RP1: variants seen among roughly 807,000 people sequenced by gnomAD.
RP1 encodes RP1 axonemal microtubule associated.
In RP1, 16 loss-of-function variants were observed where a neutral mutation model predicts 14.8. The observed-to-expected ratio is 1.08, with a 90% CI of 0.73 to 1.65. RP1 has a LOEUF of 1.65. RP1 is among the 40% of genes most tolerant of loss of function. The pLI, the probability that RP1 is intolerant of heterozygous loss-of-function variation, is 0.00. For missense variants in RP1, 2,631 were observed against 2,535.0 expected, an observed-to-expected ratio of 1.04 and a Z score of -0.81; for synonymous variants, 876 against 883.6, an observed-to-expected ratio of 0.99 and a Z score of 0.15.
chr8:54,853,841 A>G (rs1184650562), intron 26 of RP1, among the ~76,000 whole-genome samples: 2 of 150,922 alleles, frequency 1.3e-5, no homozygotes, highest in African/African-American at 2.4e-5. Flanking sequence ...AGAGAGAGAA[A>G]GAAAGAGAAA....
rs1459373197 is a variant in RP1, at chr8:54,580,338, C to T, written c.-13+21018C>T. 6.5e-5 allele frequency among the ~76,000 whole-genome samples: 8 copies of T among 122,362 alleles called. No homozygotes were observed. In the East Asian group the frequency reaches 1.4e-3, roughly 21 times the overall value. The allele number at this position is 122,362 out of a possible 152,430, so 80.3% of individuals were successfully genotyped here. On this transcript the variant is annotated intron_variant, in intron 1 of 22. Coordinates refer to the RP1 transcript ENST00000636932. The stretch of plus-strand genomic sequence containing the variant: ...TTTTTTTTTTTTTGAGACAGAGTCT[C>T]ACTCTGTCGCCAGGCTGGAGTGCAG...
chr8:54,660,105 C>T (rs1806853519), intron 6 of RP1, among the ~76,000 whole-genome samples: 1 of 151,918 alleles, frequency 6.6e-6, no homozygotes, highest in Non-Finnish European at 1.5e-5. Context: ...TTAGAGTTTT[C>T]TACATATATA....
Position 54,663,930 on chromosome 8 carries a change from C to T in RP1, c.1323+80C>T, listed in dbSNP as rs139138440. The T allele has an allele frequency of 1.5e-3, 1,970 of 1,291,576 alleles. 30 individuals are homozygous for T. In the African/African-American group the frequency reaches 0.027, roughly 18 times the overall value. The allele number at this position is 1,291,576 out of a possible 1,614,324, so 80.0% of individuals were successfully genotyped here. A position where few individuals can be genotyped will look rare whatever the true frequency, so the allele number is the denominator to read the frequency against. On this transcript the variant is annotated intron_variant, in intron 7 of 22. Coordinates refer to the RP1 transcript ENST00000636932. ...AATAAGATTTACTGTTGTAACTATTCTAAGAGTTTTTAATTTCACAGTTTA... is the reference window on the plus strand; with the variant it reads ...AATAAGATTTACTGTTGTAACTATTTTAAGAGTTTTTAATTTCACAGTTTA...
At chr8:54,717,717 A>G (rs1808438869) in intron 15 of RP1, among the ~76,000 whole-genome samples, 1 of 152,154 alleles carries the variant, frequency 6.6e-6, no homozygotes, top group South Asian at 2.1e-4. Flanking sequence ...CACCACTCCA[A>G]TATTATATAG....
Position 54,626,661 on chromosome 8 carries a change from C to T in RP1, c.2779C>T (p.Pro927Ser), listed in dbSNP as rs1225721620. 5 of 1,613,820 alleles carry T rather than the reference C, an allele frequency of 3.1e-6. No homozygotes were observed. The highest frequency in any genetic ancestry group is 4.2e-6 in the Non-Finnish European group (5 of 1,179,860). Residue 927 changes from proline (P) to serine (S), a missense_variant, in exon 4 of 4, where the codon CCA becomes TCA. Physicochemically the swap from Pro to Ser is moderately conservative, Grantham distance 74 (BLOSUM62 -1). Transcript: ENST00000220676. Reference protein sequence around the residue: ...QSWLQNINPYPTLKPIKSAPV... With the variant: ...QSWLQNINPYSTLKPIKSAPV... ...TTGGTTGCAGAACATAAATCCATAT[C>T]CAACTTTAAAGCCTATAAAATCAGC...
At chr8:54,757,562 G>C (rs879139590) in intron 21 of RP1, among the ~76,000 whole-genome samples, 3 of 152,224 alleles carry the variant, frequency 2.0e-5, no homozygotes, top group African/African-American at 7.2e-5. Flanking sequence ...TACTGCTGTG[G>C]CTACCTCTTC....
intron 24 of RP1, among the ~76,000 whole-genome samples, chr8:54,834,048 CAG>C (rs1173120169): frequency 6.6e-6 from 1 of 151,996 alleles, no homozygotes; most frequent in Non-Finnish European, 1.5e-5. Flanking sequence ...AAAAGAAAGA[CAG>C]AGCTCAGATC....
At chr8:54,729,280 G>C (rs1437325326) in intron 17 of RP1, among the ~76,000 whole-genome samples, 2 of 152,160 alleles carry the variant, frequency 1.3e-5, no homozygotes, top group African/African-American at 4.8e-5. Flanking sequence ...ACAGTGCAGT[G>C]CAGCCATCCT....
At chr8:54,587,680 AT>A (rs1380436619) in intron 1 of RP1, among the ~76,000 whole-genome samples, 28 of 152,342 alleles carry the variant, frequency 1.8e-4, no homozygotes, top group Admixed American at 1.2e-3. Flanking sequence ...TACAAATAAA[AT>A]TCCTGAAGTC....
chr8:54,585,981 C>T (rs887167305), intron 1 of RP1, among the ~76,000 whole-genome samples: 2 of 152,216 alleles, frequency 1.3e-5, no homozygotes, highest in Admixed American at 6.5e-5. Context: ...TCGTCTGAAG[C>T]CTTCTTCTCT....
At chr8:54,820,849 C>A (rs1211291923) in intron 24 of RP1, among the ~76,000 whole-genome samples, 3 of 152,098 alleles carry the variant, frequency 2.0e-5, no homozygotes, top group Non-Finnish European at 4.4e-5. Context: ...TCTCCACCTC[C>A]TTCCCAGAAC....
At chr8:54,583,642 C>G (rs1356440320) in intron 1 of RP1, among the ~76,000 whole-genome samples, 1 of 151,964 alleles carries the variant, frequency 6.6e-6, no homozygotes, top group African/African-American at 2.4e-5. Flanking sequence ...TACTTTTTTT[C>G]ATTGATAAGC....
intron 22 of RP1, among the ~76,000 whole-genome samples, chr8:54,761,931 A>G (rs1015464708): frequency 2.0e-5 from 3 of 152,168 alleles, no homozygotes; most frequent in Non-Finnish European, 4.4e-5. Context: ...CTACTGCAGA[A>G]AAAGGCCATT....
intron 24 of RP1, among the ~76,000 whole-genome samples, chr8:54,796,935 A>C (rs1810589707): frequency 6.6e-6 from 1 of 152,330 alleles, no homozygotes; most frequent in Non-Finnish European, 1.5e-5. Context: ...CCATTTTACT[A>C]ATCTTGCTGA....
chr8:54,702,656 A>T (rs577051014), intron 14 of RP1, among the ~76,000 whole-genome samples: 3 of 152,236 alleles, frequency 2.0e-5, no homozygotes, highest in South Asian at 4.1e-4. Context: ...GACAACAATG[A>T]AGTTTGCCAC....
intron 5 of RP1, among the ~76,000 whole-genome samples, chr8:54,653,588 TA>T (rs1806698391): frequency 1.3e-5 from 2 of 152,168 alleles, no homozygotes; most frequent in Non-Finnish European, 2.9e-5. Flanking sequence ...AGATGATGAG[TA>T]ATTCCTTAAA....
intron 25 of RP1, among the ~76,000 whole-genome samples, chr8:54,845,499 GA>G (rs375034826): frequency 2.6e-5 from 4 of 152,332 alleles, no homozygotes; most frequent in African/African-American, 9.6e-5. Flanking sequence ...GTGCACGGAT[GA>G]GTGGACTTCT....
intron 1 of RP1, among the ~76,000 whole-genome samples, chr8:54,599,741 G>A (rs1049103825): frequency 6.6e-6 from 1 of 152,122 alleles, no homozygotes; most frequent in Non-Finnish European, 1.5e-5. Context: ...AGGCCACTGT[G>A]CCTGGCCTGA....
At chr8:54,653,457 A>G (rs1266566487) in intron 5 of RP1, among the ~76,000 whole-genome samples, 1 of 152,204 alleles carries the variant, frequency 6.6e-6, no homozygotes, top group Non-Finnish European at 1.5e-5. Context: ...ATTTCAAAAT[A>G]AATGCTCTTT....
Sources: allele counts gnomAD v4.1 joint callset (sites outside exome capture counted in the v4.1 genomes callset), GRCh38; gene constraint gnomAD v4.1.1; transcripts MANE v1.5; gene names NCBI Gene and HGNC (gene_info 2026-07-23, HGNC 2026-07-21).